ASPH: variants seen among roughly 807,000 people sequenced by gnomAD.
ASPH encodes the protein aspartate beta-hydroxylase.
In ASPH, 100 loss-of-function variants were observed where a neutral mutation model predicts 118.4. The ratio of observed to expected loss-of-function variants is 0.84; its 90% CI spans 0.72 to 1.00. ASPH has a LOEUF of 1.00. Among genes scored for constraint, ASPH ranks in the 50% least tolerant of loss-of-function variants. The probability of loss-of-function intolerance (pLI) is 0.00; values close to 1 mark genes in which losing one functional copy is unlikely to be tolerated. For synonymous variants in ASPH, 315 were observed against 325.6 expected (o/e 0.97, Z 0.35); for missense variants, 920 against 919.5 (o/e 1.00, Z -0.01).
intron 13 of ASPH, among the ~76,000 whole-genome samples, chr8:61,622,913 T>C (rs1192935205): frequency 6.6e-6 from 1 of 152,194 alleles, no homozygotes; most frequent in Non-Finnish European, 1.5e-5. Context: ...TATTTTTGTT[T>C]CTTCTGGACA....
At chr8:61,523,374 G>C (rs1488234282) in intron 22 of ASPH, among the ~76,000 whole-genome samples, 1 of 146,972 alleles carries the variant, frequency 6.8e-6, no homozygotes, top group Non-Finnish European at 1.5e-5. Flanking sequence ...GGAGTGCAGT[G>C]GCATGATCTC....
At chr8:61,543,264 G>C (rs1253023504) in intron 21 of ASPH, among the ~76,000 whole-genome samples, 5 of 151,974 alleles carry the variant, frequency 3.3e-5, no homozygotes. Context: ...GCATATGCTG[G>C]TACACTTGAT....
rs569642189 is a variant in ASPH, at chr8:61,611,967, C to T, written c.976+7011G>A. ...GATATAACAAATTACATACACAATCCAGTTTTCAACCAAAAACTACTAGAT... is the reference window on the plus strand; with the variant it reads ...GATATAACAAATTACATACACAATCTAGTTTTCAACCAAAAACTACTAGAT... On this transcript the variant is annotated intron_variant, in intron 14 of 24. Coordinates refer to ENST00000379454, the MANE Select transcript of ASPH (RefSeq NM_004318.4). Among the ~76,000 whole-genome samples the T allele has an allele frequency of 2.0e-5, 3 of 151,452 alleles. No homozygotes were observed. The East Asian group carries it at 5.8e-4, about 29-fold the overall frequency.
intron 3 of ASPH, among the ~76,000 whole-genome samples, chr8:61,666,087 TTAAATA>T (rs1169530086): frequency 6.6e-6 from 1 of 152,160 alleles, no homozygotes; most frequent in East Asian, 1.9e-4. Context: ...GTAAATAAAA[TTAAATA>T]TAATTTCATT....
At chr8:61,712,724 TCTAGAAACGTGAGACACATTTCC>T (rs1838338726) in intron 1 of ASPH, among the ~76,000 whole-genome samples, 1 of 152,298 alleles carries the variant, frequency 6.6e-6, no homozygotes, top group East Asian at 1.9e-4. Flanking sequence ...ATGGGGTAGG[TCTAGAAACGTGAGACACATTTCC>T]CAGTATTAGT....
chr8:61,548,252 G>T, intron 20 of ASPH, 44 bp from the exon 21 acceptor site: 1 of 1,531,538 alleles, frequency 6.5e-7, no homozygotes, highest in South Asian at 1.3e-5. Context: ...TCCTTCAACA[G>T]AGCATTTTTA....
intron 14 of ASPH, among the ~76,000 whole-genome samples, chr8:61,613,931 G>A (rs745394469): frequency 5.3e-5 from 8 of 152,222 alleles, no homozygotes; most frequent in South Asian, 2.1e-4. Context: ...TATTAGCTAC[G>A]TCTGTTCTAT....
At chr8:61,692,048 A>G (rs1832776825) in intron 1 of ASPH, among the ~76,000 whole-genome samples, 1 of 152,340 alleles carries the variant, frequency 6.6e-6, no homozygotes, top group Non-Finnish European at 1.5e-5. Flanking sequence ...GACTTCTTCA[A>G]CACAGCTCCA....
intron 18 of ASPH, among the ~76,000 whole-genome samples, chr8:61,559,945 G>A (rs57705474): frequency 5.0e-4 from 74 of 148,730 alleles, no homozygotes; most frequent in African/African-American, 8.0e-4. Context: ...GAGGGTTGGG[G>A]GGGGGAGCAA....
intron 14 of ASPH, among the ~76,000 whole-genome samples, chr8:61,603,191 CAAAAAAAAAAAAAAAAAA>C (rs11336705): frequency 6.5e-5 from 4 of 61,348 alleles, no homozygotes; most frequent in Non-Finnish European, 1.2e-4. Flanking sequence ...AGACTTGTCT[CAAAAAAAAAAAAAAAAAA>C]AAAAAAAAAG....
At chr8:61,528,316 T>C (rs1233986287) in intron 21 of ASPH, among the ~76,000 whole-genome samples, 1 of 152,174 alleles carries the variant, frequency 6.6e-6, no homozygotes, top group Non-Finnish European at 1.5e-5. Flanking sequence ...AAATGCACCC[T>C]AGGATTTCGC....
At chr8:61,658,835 C>A (rs4609184) in intron 3 of ASPH, 1 of 152,032 alleles carries the variant, frequency 6.6e-6, no homozygotes. Context: ...ATATATACAC[C>A]TGAAATATTT....
chr8:61,664,992 A>T (rs1818808330), intron 3 of ASPH: 3 of 1,201,334 alleles, frequency 2.5e-6, no homozygotes, highest in Admixed American at 8.3e-5. Flanking sequence ...CATGATACAT[A>T]TACATTTATC....
chr8:61,611,680 G>A (rs1460771820), intron 14 of ASPH, among the ~76,000 whole-genome samples: 1 of 152,128 alleles, frequency 6.6e-6, no homozygotes, highest in Non-Finnish European at 1.5e-5. Flanking sequence ...AGAAGCAAGG[G>A]GAAATTCCAG....
Position 61,547,875 on chromosome 8 carries a change from C to T in ASPH, c.1764+196G>A, listed in dbSNP as rs6997497. On this transcript the variant is annotated intron_variant, in intron 21 of 24. Coordinates refer to ENST00000379454, the MANE Select transcript of ASPH (RefSeq NM_004318.4). ...AAAAAGGTTGAGAACTCCTAAGTTC[C>T]GCACAAATTCCCTTCATCATCTAAA... Among the ~76,000 whole-genome samples the T allele has an allele frequency of 4.0e-3, 616 of 152,156 alleles. 1 individual carries two copies. Among genetic ancestry groups the T allele is most frequent in the African/African-American group, 0.014 (574 of 41,520 alleles).
At chr8:61,552,923 C>A (rs78684112) in intron 20 of ASPH, 108 bp downstream of exon 20, 3 of 925,440 alleles carry the variant, frequency 3.2e-6, no homozygotes, top group Admixed American at 2.1e-5. Flanking sequence ...TCACTGCTTT[C>A]GAAAGTTCAC....
chr8:61,688,543 C>G (rs868020579), intron 1 of ASPH, among the ~76,000 whole-genome samples: 2 of 152,186 alleles, frequency 1.3e-5, no homozygotes, highest in Admixed American at 6.5e-5. Context: ...ACTTCACTGG[C>G]CTACTACTAA....
intron 14 of ASPH, among the ~76,000 whole-genome samples, chr8:61,585,518 G>A (rs965332297): frequency 1.8e-4 from 28 of 152,204 alleles, no homozygotes; most frequent in African/African-American, 2.6e-4. Context: ...TCCCCTCTCC[G>A]CCAACACACA....
intron 13 of ASPH, among the ~76,000 whole-genome samples, chr8:61,627,990 T>C (rs1353149793): frequency 2.6e-5 from 4 of 152,034 alleles, no homozygotes; most frequent in Non-Finnish European, 5.9e-5. Context: ...CAGGCACCTT[T>C]CCATTCATTC....
Sources: allele counts gnomAD v4.1 joint callset (sites outside exome capture counted in the v4.1 genomes callset), GRCh38; gene constraint gnomAD v4.1.1; transcripts MANE v1.5; gene names NCBI Gene and HGNC (gene_info 2026-07-23, HGNC 2026-07-21).